The following SPOCK1 variants were observed in gnomAD, a reference collection of about 807,000 sequenced individuals.
SPOCK1 encodes the protein SPARC (osteonectin), cwcv and kazal like domains proteoglycan 1.
Under a neutral mutation model 55.3 loss-of-function variants are expected in SPOCK1, and 23 were observed. That is an observed-to-expected ratio of 0.42 (90% CI 0.30 to 0.59). The LOEUF (loss-of-function observed/expected upper bound fraction) is 0.59. Among genes scored for constraint, SPOCK1 ranks in the 20% least tolerant of loss-of-function variants. The pLI, the probability that SPOCK1 is intolerant of heterozygous loss-of-function variation, is 0.22. For missense variants in SPOCK1, 499 were observed against 552.5 expected (o/e 0.90, Z 0.97); for synonymous variants, 226 against 221.0 (o/e 1.02, Z -0.20).
chr5:137,107,356 G>C (rs1753388790), intron 5 of SPOCK1, among the ~76,000 whole-genome samples: 1 of 152,272 alleles, frequency 6.6e-6, no homozygotes, highest in African/African-American at 2.4e-5. Flanking sequence ...GCAGTATCAA[G>C]AGTAGTTAAG....
At chr5:137,305,137 C>A (rs1757680498) in intron 2 of SPOCK1, among the ~76,000 whole-genome samples, 1 of 152,164 alleles carries the variant, frequency 6.6e-6, no homozygotes, top group African/African-American at 2.4e-5. Context: ...TTTGCTGTAG[C>A]CCTTATTCAG....
At chr5:137,372,452 TA>T (rs1751221941) in intron 2 of SPOCK1, among the ~76,000 whole-genome samples, 1 of 152,116 alleles carries the variant, frequency 6.6e-6, no homozygotes, top group African/African-American at 2.4e-5. Flanking sequence ...CTGTAACTTT[TA>T]AAGAAAATAT....
intron 3 of SPOCK1, among the ~76,000 whole-genome samples, chr5:137,248,566 T>C (rs899263476): frequency 1.1e-4 from 16 of 149,590 alleles, no homozygotes; most frequent in African/African-American, 3.6e-4. Flanking sequence ...TGACTGGTGA[T>C]CAAAAACAGT....
At chr5:137,002,271 G>T (rs1370415324) in intron 6 of SPOCK1, among the ~76,000 whole-genome samples, 4 of 152,100 alleles carry the variant, frequency 2.6e-5, no homozygotes, top group African/African-American at 9.7e-5. Flanking sequence ...GATTTGAGGA[G>T]ACTTTAATGT....
chr5:137,146,607 G>T (rs1754199185), intron 3 of SPOCK1, among the ~76,000 whole-genome samples: 1 of 152,192 alleles, frequency 6.6e-6, no homozygotes, highest in Non-Finnish European at 1.5e-5. Flanking sequence ...AACATTTATT[G>T]CAGCTTGTCT....
intron 6 of SPOCK1, among the ~76,000 whole-genome samples, chr5:137,000,603 A>AT (rs1751132068): frequency 6.6e-6 from 1 of 152,208 alleles, no homozygotes; most frequent in African/African-American, 2.4e-5. Context: ...AGGATGCTAC[A>AT]TGCCATGGGA....
In SPOCK1 at chr5:137,484,295, C is replaced by G. The variant is rs576625222; in HGVS notation, c.186+14078G>C. 4.6e-5 allele frequency among the ~76,000 whole-genome samples: 7 copies of G among 152,306 alleles called. No homozygotes were observed. The South Asian group carries it at 1.5e-3, about 32-fold the overall frequency. ...CCAGTTCAAAGGGCTCTTCAGAGAA[C>G]AGGCCCTGCAAAGCATTCCCAAGGC... On this transcript the variant is annotated intron_variant, in intron 2 of 10. Coordinates refer to ENST00000394945, the MANE Select transcript of SPOCK1 (RefSeq NM_004598.4).
chr5:137,215,231 C>A (rs1755694004), intron 3 of SPOCK1, among the ~76,000 whole-genome samples: 1 of 152,118 alleles, frequency 6.6e-6, no homozygotes, highest in South Asian at 2.1e-4. Flanking sequence ...ATATTCCTTC[C>A]AAATTAATGT....
At position 137,036,047 on chromosome 5, in the gene SPOCK1, G is replaced by A. The variant is rs1292545356; in HGVS notation, c.589+31668C>T. ...TGTCCTCAGAACAACTGCAGGGGAG[G>A]CAGGAGAGAGCTGGGCTTGCATAGG... On this transcript the variant is annotated intron_variant, in intron 6 of 10. Transcript: ENST00000394945. 3.3e-5 allele frequency among the ~76,000 whole-genome samples: 5 copies of A among 152,136 alleles called. No homozygotes were observed. The South Asian group carries it at 1.0e-3, about 32-fold the overall frequency.
chr5:137,093,818 T>C (rs1753091907), intron 5 of SPOCK1, among the ~76,000 whole-genome samples: 1 of 152,086 alleles, frequency 6.6e-6, no homozygotes, highest in African/African-American at 2.4e-5. Context: ...AGAGTCATGA[T>C]GAGAAAAACA....
chr5:137,227,520 T>A (rs1755968226), intron 3 of SPOCK1, among the ~76,000 whole-genome samples: 1 of 152,074 alleles, frequency 6.6e-6, no homozygotes, highest in African/African-American at 2.4e-5. Context: ...CAGATAAGAG[T>A]CTTTGAGCAT....
intron 7 of SPOCK1, among the ~76,000 whole-genome samples, chr5:136,989,112 C>T (rs768179064): frequency 2.0e-5 from 3 of 152,178 alleles, no homozygotes; most frequent in Non-Finnish European, 4.4e-5. Flanking sequence ...GCTTGCATCC[C>T]AGAGGACCTT....
chr5:137,067,606 G>A, intron 6 of SPOCK1, 109 bp downstream of exon 6: 1 of 892,776 alleles, frequency 1.1e-6, no homozygotes, highest in Non-Finnish European at 1.8e-6. Context: ...TGTCATGTCT[G>A]CTCATTTCTC....
chr5:137,137,248 T>G (rs1754000811), intron 4 of SPOCK1, among the ~76,000 whole-genome samples: 1 of 152,200 alleles, frequency 6.6e-6, no homozygotes, highest in Non-Finnish European at 1.5e-5. Context: ...CTTAAGCTGC[T>G]GCAGAGGCCA....
At chr5:137,181,897 G>C (rs1431614367) in intron 3 of SPOCK1, among the ~76,000 whole-genome samples, 1 of 152,224 alleles carries the variant, frequency 6.6e-6, no homozygotes, top group African/African-American at 2.4e-5. Context: ...ATGGTAGACA[G>C]GACCTGGCCA....
At chr5:137,177,387 C>A (rs1233672750) in intron 3 of SPOCK1, among the ~76,000 whole-genome samples, 1 of 152,014 alleles carries the variant, frequency 6.6e-6, no homozygotes, top group Non-Finnish European at 1.5e-5. Flanking sequence ...GACCAGAGGC[C>A]CCTTCACTTA....
chr5:137,320,717 C>A (rs942960875), intron 2 of SPOCK1, among the ~76,000 whole-genome samples: 1 of 152,186 alleles, frequency 6.6e-6, no homozygotes, highest in Non-Finnish European at 1.5e-5. Context: ...AGATTTCTCT[C>A]CCCAAAAGGT....
At chr5:137,135,646 C>T (rs1309204714) in intron 4 of SPOCK1, among the ~76,000 whole-genome samples, 2 of 152,202 alleles carry the variant, frequency 1.3e-5, no homozygotes, top group Non-Finnish European at 2.9e-5. Flanking sequence ...ACTCAATGAT[C>T]ACTACTCTGA....
At chr5:137,080,307 C>G (rs1268538711) in intron 5 of SPOCK1, among the ~76,000 whole-genome samples, 1 of 152,174 alleles carries the variant, frequency 6.6e-6, no homozygotes, top group African/African-American at 2.4e-5. Flanking sequence ...AAAGTCTGTG[C>G]TCTTAAGAGG....
Sources: gnomAD v4.1 joint callset for allele counts (sites outside exome capture counted in the v4.1 genomes callset) on GRCh38, gnomAD v4.1.1 for gene constraint, MANE v1.5 for transcripts, NCBI Gene and HGNC (gene_info 2026-07-23, HGNC 2026-07-21) for gene names.